The following EPB41L4B variants were observed in gnomAD, a reference collection of about 807,000 sequenced individuals.
EPB41L4B encodes band 4.1-like protein 4B.
EPB41L4B carries 30 observed loss-of-function variants against 112.5 expected under a neutral mutation model. The observed-to-expected ratio is 0.27, with a 90% CI of 0.20 to 0.36. The LOEUF (loss-of-function observed/expected upper bound fraction) is 0.36, where lower values mean the gene tolerates loss of function less well. Among genes scored for constraint, EPB41L4B ranks in the 10% least tolerant of loss-of-function variants. EPB41L4B has a pLI of 1.00. For synonymous variants in EPB41L4B, 408 were observed against 439.7 expected, an observed-to-expected ratio of 0.93 and a Z score of 0.90; for missense variants, 1,024 against 1,133.3, an observed-to-expected ratio of 0.90 and a Z score of 1.38.
Position 109,277,976 on chromosome 9 carries a change from G to T in EPB41L4B, c.411+1841C>A, listed in dbSNP as rs3793551. On this transcript the variant is annotated intron_variant, in intron 2 of 25. Transcript: ENST00000374566. ...TGCTCAAATGAAGCTTAAATGACAG[G>T]AAACAGTGTCCAGAATATGTAGGAG... is the stretch of plus-strand genomic sequence containing the variant. Among the ~76,000 whole-genome samples the T allele has an allele frequency of 6.3e-3, 954 of 152,260 alleles. 23 individuals are homozygous for T. The East Asian group carries it at 0.093, about 15-fold the overall frequency.
intron 15 of EPB41L4B, among the ~76,000 whole-genome samples, chr9:109,242,855 A>G (rs961206870): frequency 6.6e-6 from 1 of 151,876 alleles, no homozygotes; most frequent in African/African-American, 2.4e-5. Context: ...CTTAAAAAAA[A>G]AAAAAAAAAA....
In EPB41L4B at chr9:109,192,279, A is replaced by G; in HGVS notation, c.2300T>C (p.Leu767Pro). The change falls in exon 22 of 26, where the codon CTG becomes CCG. Residue 767 changes from leucine to proline, a missense_variant and splice_region_variant. Physicochemically the swap from Leu to Pro is moderately conservative, Grantham distance 98 (BLOSUM62 -3). Coordinates refer to ENST00000374566, the MANE Select transcript of EPB41L4B (RefSeq NM_019114.5). ...GTTTTAGCAAAATAGGAAGTTTACC[A>G]GAGGAGTGGCTTCTGTGAAATCCAT... The part of the protein sequence containing the change: ...LLMDFTEATP[L>P]AEPASNPHCA... 1 of 1,606,108 alleles carries G rather than the reference A, an allele frequency of 6.2e-7. No homozygotes were observed. Among genetic ancestry groups the G allele is most frequent in the Admixed American group, 1.7e-5 (1 of 58,042 alleles).
chr9:109,286,983 AAC>A (rs1399155027), intron 1 of EPB41L4B, among the ~76,000 whole-genome samples: 63 of 152,366 alleles, frequency 4.1e-4, no homozygotes, highest in African/African-American at 1.5e-3. Context: ...TTTTTCTGCC[AAC>A]ACATTAACTT....
chr9:109,309,929 G>A (rs1202529628), intron 1 of EPB41L4B, among the ~76,000 whole-genome samples: 1 of 152,158 alleles, frequency 6.6e-6, no homozygotes, highest in Non-Finnish European at 1.5e-5. Context: ...ATGGATTAGG[G>A]AAGCTTTTAC....
chr9:109,273,667 C>A (rs1274594476), intron 2 of EPB41L4B, among the ~76,000 whole-genome samples: 2 of 152,192 alleles, frequency 1.3e-5, no homozygotes, highest in Non-Finnish European at 2.9e-5. Flanking sequence ...CAAGCCCCCC[C>A]ACACCCCCAG....
In EPB41L4B at chr9:109,216,938, G is replaced by C. The variant is rs758139931; in HGVS notation, c.1617C>G (p.Ser539Arg). ...KEGPLRSPNSSSKSLTKLSPG... is the reference protein window; with the variant it reads ...KEGPLRSPNSRSKSLTKLSPG... ...CCTACTCACTTGTAAGGGACTTGCT[G>C]CTGGAGTTTGGGGACCTCAGAGGCC... The change falls in exon 16 of 26, where the codon AGC becomes AGG. Residue 539 changes from serine (S) to arginine (R), a missense_variant. By Grantham distance (110) the Ser-to-Arg change is moderately radical. Coordinates refer to ENST00000374566, the MANE Select transcript of EPB41L4B (RefSeq NM_019114.5). The C allele has an allele frequency of 1.2e-6, 2 of 1,614,004 alleles. No homozygotes were observed. The highest frequency in any genetic ancestry group is 1.7e-6 in the Non-Finnish European group (2 of 1,179,982).
chr9:109,248,643 A>G (rs935194367), intron 13 of EPB41L4B, among the ~76,000 whole-genome samples: 2 of 152,138 alleles, frequency 1.3e-5, no homozygotes, highest in Non-Finnish European at 2.9e-5. Flanking sequence ...ATGAGATCTC[A>G]CATGTTGCCC....
intron 1 of EPB41L4B, among the ~76,000 whole-genome samples, chr9:109,297,104 CATT>C (rs1332976746): frequency 7.0e-6 from 1 of 143,634 alleles, no homozygotes; most frequent in African/African-American, 2.6e-5. Flanking sequence ...CAATTGGTGT[CATT>C]ATAAAAAGAA....
chr9:109,269,517 G>A (rs1366582665), intron 2 of EPB41L4B, among the ~76,000 whole-genome samples: 1 of 152,178 alleles, frequency 6.6e-6, no homozygotes, highest in African/African-American at 2.4e-5. Context: ...AGCTCCTGGA[G>A]GCCAGGGACC....
At chr9:109,229,329 G>A (rs867827309) in intron 15 of EPB41L4B, among the ~76,000 whole-genome samples, 8 of 152,218 alleles carry the variant, frequency 5.3e-5, no homozygotes, top group African/African-American at 1.9e-4. Context: ...CAGATTCCCC[G>A]CCTTTAACAG....
chr9:109,279,958 G>T, intron 1 of EPB41L4B, 37 bp from the exon 2 acceptor site: 1 of 1,516,894 alleles, frequency 6.6e-7, no homozygotes, highest in Non-Finnish European at 9.1e-7. Flanking sequence ...AACTTAGGGT[G>T]AGACAGCTAG....
At chr9:109,259,566 G>T (rs1320419980) in intron 6 of EPB41L4B, among the ~76,000 whole-genome samples, 1 of 152,180 alleles carries the variant, frequency 6.6e-6, no homozygotes, top group Non-Finnish European at 1.5e-5. Context: ...TCAGACACAA[G>T]AGGACTTGGA....
In EPB41L4B at chr9:109,182,758, C is replaced by T; in HGVS notation, c.2458G>A (p.Asp820Asn). The T allele has an allele frequency of 6.2e-7, 1 of 1,612,908 alleles. No homozygotes were observed. Among genetic ancestry groups the T allele is most frequent in the Non-Finnish European group, 8.5e-7 (1 of 1,178,902 alleles). Residue 820 changes from aspartate to asparagine, a missense_variant, in exon 24 of 26, where the codon GAT (aspartate) becomes AAT (asparagine). Transcript: ENST00000374566. Reference sequence around the variant, plus strand: ...AACTGTGGCCCTGTGGTGAAAGTATCAGGAAACGGGTTCATTGTATCAACC... The same window carrying T: ...AACTGTGGCCCTGTGGTGAAAGTATTAGGAAACGGGTTCATTGTATCAACC... ...FPVDTMNPFP[D>N]TFTTGPQFTA... is the part of the protein sequence containing the mutation.
At position 109,290,996 on chromosome 9, in the gene EPB41L4B, A is replaced by C. The variant is rs1836506421; in HGVS notation, c.307-11075T>G. On this transcript the variant is annotated intron_variant, in intron 1 of 25. Transcript: ENST00000374566. ...GAACACGATGATGCAAAGACCATGC[A>C]GAAGTGTCCATGGTCTACTGGACTT... Among the ~76,000 whole-genome samples the C allele has an allele frequency of 2.0e-5, 3 of 152,336 alleles. No individual in the cohort carries two copies. The South Asian group carries it at 6.2e-4, about 32-fold the overall frequency.
intron 2 of EPB41L4B, among the ~76,000 whole-genome samples, chr9:109,268,852 G>A (rs1199262925): frequency 2.9e-5 from 4 of 139,258 alleles, no homozygotes; most frequent in Non-Finnish European, 4.5e-5. Flanking sequence ...AGTCGAGATC[G>A]CGCCACTGCA....
chr9:109,251,514 A>G lies in EPB41L4B; in HGVS notation c.1280-3T>C, dbSNP rs1004914519. 1.2e-6 allele frequency: 2 copies of G among 1,613,832 alleles called. No homozygotes were observed. The highest frequency in any genetic ancestry group is 2.7e-5 in the African/African-American group (2 of 74,940). Reference sequence around the variant, plus strand: ...GGCTGCTATCACTGGGTTGCTTGCTATAAAGGAAAAACAGAAAGTTATGAC... The same window carrying G: ...GGCTGCTATCACTGGGTTGCTTGCTGTAAAGGAAAAACAGAAAGTTATGAC... On this transcript the variant is annotated splice_polypyrimidine_tract_variant and splice_region_variant and intron_variant, in intron 12 of 25. Coordinates refer to ENST00000374566, the MANE Select transcript of EPB41L4B (RefSeq NM_019114.5).
chr9:109,200,237 A>G lies in EPB41L4B; in HGVS notation c.2044T>C (p.Phe682Leu). The G allele has an allele frequency of 6.2e-7, 1 of 1,613,426 alleles. No individual in the cohort carries two copies. Among genetic ancestry groups the G allele is most frequent in the Admixed American group, 1.7e-5 (1 of 59,996 alleles). ...RVRKLTRQYSFDEDDLPPDLA... is the reference protein window; with the variant it reads ...RVRKLTRQYSLDEDDLPPDLA... ...AAAAAGTTGCAGTACAGAACTCACA[A>G]ACTATACTGTCTTGTTAACTTCCTC... Residue 682 changes from phenylalanine to leucine, a missense_variant and splice_region_variant, in exon 20 of 26, where the codon TTT (phenylalanine) becomes CTT (leucine). Physicochemically the swap from Phe to Leu is conservative, Grantham distance 22. Coordinates refer to ENST00000374566, the MANE Select transcript of EPB41L4B (RefSeq NM_019114.5).
rs545708125 is a variant in EPB41L4B at position 109,268,570 on chromosome 9, G to C, written c.412-137C>G. The C allele has an allele frequency of 9.4e-6, 7 of 743,122 alleles. 1 individual carries two copies. In the East Asian group the frequency reaches 1.7e-4, roughly 18 times the overall value. 46.0% of individuals were successfully genotyped at this position (743,122 alleles called of 1,614,324 possible). A position where few individuals can be genotyped will look rare whatever the true frequency, so the allele number is the denominator to read the frequency against. ...TTTGGATCATATCATGGGTTCTTAGGCTGGGAATCTGCAAACTGCTTGGGA... is the reference window on the plus strand; with the variant it reads ...TTTGGATCATATCATGGGTTCTTAGCCTGGGAATCTGCAAACTGCTTGGGA... On this transcript the variant is annotated intron_variant, in intron 2 of 25. Coordinates refer to ENST00000374566, the MANE Select transcript of EPB41L4B (RefSeq NM_019114.5).
At chr9:109,192,220 T>A (rs1832484167) in intron 22 of EPB41L4B, 58 bp downstream of exon 22, 1 of 1,395,928 alleles carries the variant, frequency 7.2e-7, no homozygotes, top group Admixed American at 1.9e-5. Flanking sequence ...TCCGTCCCAC[T>A]GCCAAGATGT....
Sources: allele counts gnomAD v4.1 joint callset (sites outside exome capture counted in the v4.1 genomes callset), GRCh38; gene constraint gnomAD v4.1.1; transcripts MANE v1.5; gene names NCBI Gene and HGNC (gene_info 2026-07-23, HGNC 2026-07-21).